The following S100Z variants were observed in gnomAD, a reference collection of about 807,000 sequenced individuals.
The protein encoded by S100Z is S100 calcium binding protein Z.
S100Z carries 11 observed loss-of-function variants against 8.5 expected under a neutral mutation model. That is an observed-to-expected ratio of 1.30 (90% confidence interval 0.82 to 2.15). The LOEUF is 2.15. S100Z is among the 30% of genes most tolerant of loss of function. The pLI is 0.00. For missense variants in S100Z, 126 were observed against 117.9 expected (o/e 1.07, Z -0.32); for synonymous variants, 34 against 43.8 (o/e 0.78, Z 0.89).
chr5:76,862,094 CCTTT>C (rs752258553), intron 1 of S100Z, among the ~76,000 whole-genome samples: 29 of 150,078 alleles, frequency 1.9e-4, no homozygotes, highest in Non-Finnish European at 3.1e-4. Context: ...AGTTTTGTTA[CCTTT>C]TTTTCTCATG....
chr5:76,902,034 C>T (rs898454360), intron 4 of S100Z, among the ~76,000 whole-genome samples: 1 of 152,142 alleles, frequency 6.6e-6, no homozygotes, highest in African/African-American at 2.4e-5. Context: ...ATGAGGGCCT[C>T]TCAACTCTGA....
chr5:76,923,312 C>G (rs1298085373), downstream of S100Z, among the ~76,000 whole-genome samples: 1 of 152,106 alleles, frequency 6.6e-6, no homozygotes, highest in African/African-American at 2.4e-5. Context: ...TGGATTTGCC[C>G]ATTTATTCCC....
At chr5:76,874,163 G>A (rs1439871520) in intron 2 of S100Z, among the ~76,000 whole-genome samples, 1 of 144,864 alleles carries the variant, frequency 6.9e-6, no homozygotes, top group East Asian at 2.0e-4. Flanking sequence ...GCACTGCTTT[G>A]TACCTTTCTA....
chr5:76,880,588 C>A (rs914035181), intron 4 of S100Z, among the ~76,000 whole-genome samples: 1 of 151,976 alleles, frequency 6.6e-6, no homozygotes, highest in Non-Finnish European at 1.5e-5. Flanking sequence ...GGCCTGGATG[C>A]GGTTTTGTAT....
intron 2 of S100Z, among the ~76,000 whole-genome samples, chr5:76,871,266 A>C (rs750931151): frequency 1.3e-5 from 2 of 152,202 alleles, no homozygotes; most frequent in Non-Finnish European, 2.9e-5. Context: ...GCATCTATAG[A>C]GAATCTCCAT....
rs1414083692 is a variant in S100Z at position 76,876,618 on chromosome 5, G to T, written c.142-1056G>T. On this transcript the variant is annotated intron_variant, in intron 3 of 4. Coordinates refer to ENST00000317593, the MANE Select transcript of S100Z (RefSeq NM_130772.4). Reference sequence around the variant, plus strand: ...ACTCCTGACCTCAAGTGATCTGCCTGCCTCGGCCTCCCAAAGTGCTGAGAT... The same window carrying T: ...ACTCCTGACCTCAAGTGATCTGCCTTCCTCGGCCTCCCAAAGTGCTGAGAT... Among the ~76,000 whole-genome samples the T allele has an allele frequency of 3.9e-5, 6 of 152,214 alleles. No individual in the cohort carries two copies. In the East Asian group the frequency reaches 9.7e-4, roughly 25 times the overall value.
At chr5:76,860,081 G>A (rs1228484646) in intron 1 of S100Z, among the ~76,000 whole-genome samples, 1 of 152,142 alleles carries the variant, frequency 6.6e-6, no homozygotes, top group Non-Finnish European at 1.5e-5. Flanking sequence ...GGCAATAAAA[G>A]TTGACTCTAG....
intron 4 of S100Z, among the ~76,000 whole-genome samples, chr5:76,889,816 G>C (rs1743796156): frequency 6.6e-6 from 1 of 152,228 alleles, no homozygotes; most frequent in Non-Finnish European, 1.5e-5. Flanking sequence ...CTTTGCATTT[G>C]CTGGAGTTTA....
intron 4 of S100Z, among the ~76,000 whole-genome samples, chr5:76,881,557 A>T (rs1177508858): frequency 6.6e-6 from 1 of 152,232 alleles, no homozygotes; most frequent in Non-Finnish European, 1.5e-5. Flanking sequence ...ACAGATTTCC[A>T]TGATGGAAAG....
chr5:76,910,859 C>T (rs1317018806), intron 4 of S100Z, among the ~76,000 whole-genome samples: 2 of 152,202 alleles, frequency 1.3e-5, no homozygotes, highest in Non-Finnish European at 2.9e-5. Flanking sequence ...CCGAGGAATC[C>T]TGGGACAGCC....
At chr5:76,901,161 G>C (rs565649351) in intron 4 of S100Z, among the ~76,000 whole-genome samples, 2 of 152,284 alleles carry the variant, frequency 1.3e-5, no homozygotes, top group East Asian at 3.9e-4. Flanking sequence ...CACAATGACT[G>C]TGCTGGGTCA....
At chr5:76,922,530 G>A (rs1034844223), downstream of S100Z, among the ~76,000 whole-genome samples, 1 of 151,970 alleles carries the variant, frequency 6.6e-6, no homozygotes, top group African/African-American at 2.4e-5. Context: ...TTGTTTGTTT[G>A]TTTGTTTGTT....
chr5:76,869,367 A>G (rs142752683), intron 1 of S100Z, among the ~76,000 whole-genome samples: 3 of 152,318 alleles, frequency 2.0e-5, no homozygotes, highest in African/African-American at 7.2e-5. Context: ...TGGGGTGGGT[A>G]GTTGGGAAGA....
downstream of S100Z, among the ~76,000 whole-genome samples, chr5:76,925,029 C>T (rs1368988151): frequency 4.6e-5 from 7 of 151,934 alleles, no homozygotes; most frequent in South Asian, 4.2e-4. Context: ...GTTGGGTTGT[C>T]GAGCTATTGG....
intron 4 of S100Z, among the ~76,000 whole-genome samples, chr5:76,885,759 A>C (rs1040360152): frequency 3.4e-5 from 5 of 148,048 alleles, no homozygotes; most frequent in Non-Finnish European, 7.4e-5. Flanking sequence ...GAAAGTGGAG[A>C]AGGGATAGAG....
chr5:76,869,553 G>A (rs1481912403), intron 1 of S100Z, among the ~76,000 whole-genome samples: 1 of 152,184 alleles, frequency 6.6e-6, no homozygotes, highest in Non-Finnish European at 1.5e-5. Context: ...GAGCGTGGGT[G>A]TTGATTTGTG....
chr5:76,925,961 C>T (rs1023912399), downstream of S100Z, among the ~76,000 whole-genome samples: 15 of 152,014 alleles, frequency 9.9e-5, no homozygotes, highest in Admixed American at 2.0e-4. Context: ...AGTGAGACTC[C>T]ATCTTAAGAA....
At chr5:76,931,805 TTC>T in the S100Z span, among the ~76,000 whole-genome samples, 13 of 75,466 alleles carry the variant, frequency 1.7e-4, no homozygotes, top group Non-Finnish European at 3.0e-4. Context: ...TTTTTTATTC[TTC>T]TTTTTTTTTG....
intron 4 of S100Z, among the ~76,000 whole-genome samples, chr5:76,885,717 T>A (rs1235011102): frequency 7.1e-6 from 1 of 141,542 alleles, no homozygotes; most frequent in East Asian, 2.2e-4. Context: ...CCCAGGAAAG[T>A]GGGAACGGGG....
Sources: allele counts gnomAD v4.1 joint callset (sites outside exome capture counted in the v4.1 genomes callset), GRCh38; gene constraint gnomAD v4.1.1; transcripts MANE v1.5; gene names NCBI Gene and HGNC (gene_info 2026-07-23, HGNC 2026-07-21).